The following DEAF1 variants were observed in gnomAD, a reference collection of about 807,000 sequenced individuals.
The protein encoded by DEAF1 is DEAF1 transcription factor.
Under a neutral mutation model 58.9 loss-of-function variants are expected in DEAF1, and 53 were observed. The ratio of observed to expected loss-of-function variants is 0.90; its 90% CI spans 0.72 to 1.13. The LOEUF (loss-of-function observed/expected upper bound fraction) is 1.13, where lower values mean the gene tolerates loss of function less well. Ranked by LOEUF, DEAF1 falls within the 50% of genes most tolerant of loss-of-function variation. The pLI, the probability that DEAF1 is intolerant of heterozygous loss-of-function variation, is 0.00. For missense variants in DEAF1, 685 were observed against 791.4 expected, an observed-to-expected ratio of 0.87 and a Z score of 1.61; for synonymous variants, 385 against 340.4, an observed-to-expected ratio of 1.13 and a Z score of -1.44.
At chr11:702,282 G>A (rs963808444) in intron 1 of DEAF1, among the ~76,000 whole-genome samples, 5 of 152,236 alleles carry the variant, frequency 3.3e-5, no homozygotes, top group African/African-American at 1.2e-4. Flanking sequence ...TTGCCCCCCA[G>A]GGCGGGCACT....
chr11:680,141 T>C, intron 7 of DEAF1: 1 of 374,254 alleles, frequency 2.7e-6, no homozygotes, highest in Non-Finnish European at 5.0e-6. Flanking sequence ...GTGGTTCGAA[T>C]TAAGAAAAAA....
intron 11 of DEAF1, chr11:651,304 G>A (rs938091087): frequency 2.4e-5 from 6 of 249,776 alleles, no homozygotes; most frequent in Non-Finnish European, 4.8e-5. Context: ...GGCTGGTGTA[G>A]TGCCTCATGC....
At chr11:684,180 G>A (rs1564947680) in intron 6 of DEAF1, among the ~76,000 whole-genome samples, 2 of 150,212 alleles carry the variant, frequency 1.3e-5, no homozygotes, top group African/African-American at 2.5e-5. Context: ...CACTTTGGGA[G>A]GCTGAGGCGG....
In DEAF1 at chr11:694,840, C is replaced by T; in HGVS notation, c.208G>A (p.Ala70Thr). Residue 70 changes from alanine (A) to threonine (T), a missense_variant, in exon 1 of 12, where the codon GCG (alanine) becomes ACG (threonine). By Grantham distance (58) the Ala-to-Thr change is moderately conservative. This residue lies in a region of DEAF1 where 210 missense variants were observed against 177.3 expected (regional missense o/e 1.18). Coordinates refer to ENST00000382409, the MANE Select transcript of DEAF1 (RefSeq NM_021008.4). ...ATGTCCATGTGCCCGGGCTCCGCCG[C>T]CATCACCGCCACTGCCGTGACCCGC... Reference protein sequence around the residue: ...TPRVTAVAVMAAEPGHMDMGA... With the variant: ...TPRVTAVAVMTAEPGHMDMGA... The T allele has an allele frequency of 6.8e-7, 1 of 1,474,856 alleles. No individual in the cohort carries two copies. The highest frequency in any genetic ancestry group is 9.0e-7 in the Non-Finnish European group (1 of 1,117,090). 91.4% of individuals were successfully genotyped at this position (1,474,856 alleles called of 1,614,324 possible). A position where few individuals can be genotyped will look rare whatever the true frequency, so the allele number is the denominator to read the frequency against.
At chr11:674,925 A>G (rs1859989697) in intron 9 of DEAF1, 142 bp from the exon 10 acceptor site, 1 of 1,078,088 alleles carries the variant, frequency 9.3e-7, no homozygotes, top group Non-Finnish European at 1.4e-6. Context: ...CAGGCGGATC[A>G]TGAGGTCAGG....
At chr11:678,864 C>T in intron 8 of DEAF1, 42 bp from the exon 9 acceptor site, 1 of 1,611,280 alleles carries the variant, frequency 6.2e-7, no homozygotes, top group Non-Finnish European at 8.5e-7. Flanking sequence ...GGATGGTTGT[C>T]CGCACAGCAG....
chr11:656,801 G>A (rs932802454), intron 10 of DEAF1, among the ~76,000 whole-genome samples: 2 of 152,140 alleles, frequency 1.3e-5, no homozygotes, highest in African/African-American at 2.4e-5. Flanking sequence ...CCTCGCAGGC[G>A]CCTCTTCAGC....
intron 11 of DEAF1, among the ~76,000 whole-genome samples, chr11:650,399 A>AAAAAT: frequency 6.7e-6 from 1 of 148,992 alleles, no homozygotes; most frequent in Non-Finnish European, 1.5e-5. Context: ...AAAAAAAAAA[A>AAAAAT]GGCAGAGACT....
chr11:650,399 A>AAAAAG, intron 11 of DEAF1, among the ~76,000 whole-genome samples: 1 of 148,874 alleles, frequency 6.7e-6, no homozygotes, highest in Non-Finnish European at 1.5e-5. Flanking sequence ...AAAAAAAAAA[A>AAAAAG]GGCAGAGACT....
intron 11 of DEAF1, among the ~76,000 whole-genome samples, chr11:649,420 TAAA>T (rs1165672375): frequency 8.5e-6 from 1 of 117,648 alleles, no homozygotes; most frequent in African/African-American, 2.8e-5. Context: ...AGACCCCACT[TAAA>T]AAAAAAAACA....
At chr11:680,264 G>T (rs1259571156) in intron 7 of DEAF1, among the ~76,000 whole-genome samples, 1 of 152,178 alleles carries the variant, frequency 6.6e-6, no homozygotes, top group Non-Finnish European at 1.5e-5. Flanking sequence ...GACAGATCTT[G>T]AGACTCTGCT....
At chr11:663,638 G>A (rs184202450) in intron 10 of DEAF1, among the ~76,000 whole-genome samples, 1 of 151,002 alleles carries the variant, frequency 6.6e-6, no homozygotes, top group Non-Finnish European at 1.5e-5. Context: ...ACTGCCTCTG[G>A]ACTGATAAAT....
intron 10 of DEAF1, among the ~76,000 whole-genome samples, chr11:658,741 A>G (rs953761747): frequency 6.6e-6 from 1 of 152,262 alleles, no homozygotes; most frequent in Non-Finnish European, 1.5e-5. Flanking sequence ...CCGCCCAAGC[A>G]GCGGGTCCAG....
At position 688,040 on chromosome 11, in the gene DEAF1, T is replaced by C. The variant is rs1249145950; in HGVS notation, c.535A>G (p.Thr179Ala). ...PLTPGPQSPP[T>A]PLAPGQEKGG... ...TTTTCTTGGCCGGGAGCCAGAGGGG[T>C]TGGAGGAGACTGAGGACCTTGGGCA... The change falls in exon 4 of 12, where the codon ACC becomes GCC. Residue 179 changes from threonine to alanine, a missense_variant. By Grantham distance (58) the Thr-to-Ala change is moderately conservative (BLOSUM62 0). Transcript: ENST00000382409. The surrounding 1 kb of genome is among the most constrained non-coding windows in gnomAD (Gnocchi z 4.3). 3 of 1,613,614 alleles carry C rather than the reference T, an allele frequency of 1.9e-6. No homozygotes were observed. Among genetic ancestry groups the C allele is most frequent in the Non-Finnish European group, 2.5e-6 (3 of 1,179,950 alleles).
At chr11:646,865 T>C (rs1858521939) in intron 11 of DEAF1, among the ~76,000 whole-genome samples, 1 of 151,962 alleles carries the variant, frequency 6.6e-6, no homozygotes, top group Non-Finnish European at 1.5e-5. Flanking sequence ...AAGTGCCTGA[T>C]ACAAATAAAT....
intron 10 of DEAF1, chr11:673,970 C>T (rs1436904588): frequency 1.1e-5 from 2 of 181,772 alleles, no homozygotes; most frequent in African/African-American, 4.8e-5. Flanking sequence ...GCCGAAGGGG[C>T]CTAAGTGACC....
chr11:656,401 G>A (rs932970596), intron 10 of DEAF1, among the ~76,000 whole-genome samples: 9 of 151,668 alleles, frequency 5.9e-5, no homozygotes, highest in East Asian at 1.9e-4. Flanking sequence ...CAGGTGATCC[G>A]CCTGCCTTGG....
chr11:699,033 G>C (rs1861326983), upstream of DEAF1: 5 of 941,946 alleles, frequency 5.3e-6, 1 homozygote, highest in Non-Finnish European at 6.8e-6. Flanking sequence ...GACAGATTTA[G>C]AGAGTTGATG....
intron 10 of DEAF1, among the ~76,000 whole-genome samples, chr11:662,131 T>C (rs1343441013): frequency 1.3e-5 from 2 of 152,068 alleles, no homozygotes; most frequent in African/African-American, 4.8e-5. Flanking sequence ...ATACAAAAAC[T>C]AGCTGGGCGC....
Sources: allele counts gnomAD v4.1 joint callset (sites outside exome capture counted in the v4.1 genomes callset), GRCh38; gene constraint gnomAD v4.1.1; regional missense constraint gnomAD v4.1.1; non-coding constraint Gnocchi (gnomAD v3.1); transcripts MANE v1.5; gene names NCBI Gene and HGNC (gene_info 2026-07-23, HGNC 2026-07-21).